The following MED26 variants were observed in gnomAD, a reference collection of about 807,000 sequenced individuals.
MED26 encodes the protein mediator complex subunit 26.
In MED26, 7 loss-of-function variants were observed where a neutral mutation model predicts 43.7. The observed-to-expected ratio is 0.16, with a 90% CI of 0.09 to 0.30. The LOEUF (loss-of-function observed/expected upper bound fraction) is 0.30, where lower values mean the gene tolerates loss of function less well. Among genes scored for constraint, MED26 ranks in the 10% least tolerant of loss-of-function variants. MED26 has a pLI of 1.00. For missense variants in MED26, 784 were observed against 840.6 expected (o/e 0.93, Z 0.83); for synonymous variants, 375 against 371.1 (o/e 1.01, Z -0.12).
chr19:16,578,107 C>T (rs919264764), intron 2 of MED26: 3 of 570,786 alleles, frequency 5.3e-6, no homozygotes, highest in East Asian at 3.1e-5. Context: ...GATGTCCCCA[C>T]GTGCCCACGA....
chr19:16,582,811 G>A (rs1381389591), intron 1 of MED26, among the ~76,000 whole-genome samples: 2 of 152,236 alleles, frequency 1.3e-5, no homozygotes, highest in Non-Finnish European at 2.9e-5. Context: ...AAGCAGAAAA[G>A]AGCTGGAGAA....
chr19:16,592,134 T>C (rs1568283215), intron 1 of MED26, among the ~76,000 whole-genome samples: 1 of 152,210 alleles, frequency 6.6e-6, no homozygotes, highest in Non-Finnish European at 1.5e-5. Flanking sequence ...CCTACTTCTG[T>C]GGCCAGCCAA....
Position 16,627,872 on chromosome 19 carries a change from G to A in MED26, c.72C>T (p.Asn24=), listed in dbSNP as rs1599352999. 6.7e-7 allele frequency: 1 copy of A among 1,493,002 alleles called. No individual in the cohort carries two copies. Among genetic ancestry groups the A allele is most frequent in the Non-Finnish European group, 9.0e-7 (1 of 1,116,982 alleles). The allele number at this position is 1,493,002 out of a possible 1,614,324, so 92.5% of individuals were successfully genotyped here. ...RLLQAIDPQS[N]IRNMVAVLEV... Reference sequence around the variant, plus strand: ...CCCAGCTCGCGCGGCGGGTACTTACGTTGCTCTGGGGGTCGATGGCCTGCA... The same window carrying A: ...CCCAGCTCGCGCGGCGGGTACTTACATTGCTCTGGGGGTCGATGGCCTGCA... The change falls in exon 1 of 3, where the codon AAC becomes AAT. Residue 24 remains asparagine, a splice_region_variant and synonymous_variant. Coordinates refer to ENST00000263390, the MANE Select transcript of MED26 (RefSeq NM_004831.5).
At position 16,579,162 on chromosome 19, in the gene MED26, G is replaced by A. The variant is rs56874673; in HGVS notation, c.73-753C>T. Among the ~76,000 whole-genome samples, 422 of 152,272 alleles carry A rather than the reference G, an allele frequency of 2.8e-3. 2 individuals carry two copies. Among genetic ancestry groups the A allele is most frequent in the African/African-American group, 9.5e-3 (393 of 41,550 alleles). On this transcript the variant is annotated intron_variant, in intron 1 of 2. Coordinates refer to ENST00000263390, the MANE Select transcript of MED26 (RefSeq NM_004831.5). ...AATCTGAATCCAAAGACACCATAAA[G>A]AGAGCAGAAAGTCACAAAGTGGGAG...
At chr19:16,589,155 A>G (rs1487468670) in intron 1 of MED26, 2 of 152,240 alleles carry the variant, frequency 1.3e-5, no homozygotes, top group African/African-American at 4.8e-5. Flanking sequence ...AGCTGGAGGG[A>G]CAGGAGTGGG....
intron 1 of MED26, among the ~76,000 whole-genome samples, chr19:16,579,557 A>T (rs1345817876): frequency 6.6e-6 from 1 of 152,142 alleles, no homozygotes; most frequent in East Asian, 1.9e-4. Context: ...CACTTCCCAC[A>T]CATTACTGAC....
intron 1 of MED26, among the ~76,000 whole-genome samples, chr19:16,623,235 G>A (rs938561297): frequency 3.9e-5 from 6 of 152,044 alleles, no homozygotes; most frequent in Admixed American, 2.0e-4. Context: ...TCCATTTCCC[G>A]AAGTCAGAGA....
chr19:16,598,207 C>CA (rs1417217881), intron 1 of MED26, among the ~76,000 whole-genome samples: 4 of 151,660 alleles, frequency 2.6e-5, no homozygotes, highest in Non-Finnish European at 5.9e-5. Flanking sequence ...CGAGGTGGTG[C>CA]ACATCTGTAA....
chr19:16,617,126 G>A (rs947050137), intron 1 of MED26, among the ~76,000 whole-genome samples: 1 of 152,218 alleles, frequency 6.6e-6, no homozygotes, highest in South Asian at 2.1e-4. Context: ...GTGCCCACTC[G>A]GTCACACCCC....
chr19:16,600,203 C>A (rs913798992), intron 1 of MED26, among the ~76,000 whole-genome samples: 1 of 151,866 alleles, frequency 6.6e-6, no homozygotes, highest in Non-Finnish European at 1.5e-5. Flanking sequence ...GCAGCAGCCC[C>A]CTCCTGCTCC....
Position 16,587,725 on chromosome 19 carries a change from C to T in MED26, c.73-9316G>A, listed in dbSNP as rs2086077578. ...CCATGTGGCCCTCCCTGTCCTGCAGCCACAGCTCCTGTAATGCTTGGGCAA... is the reference window on the plus strand; with the variant it reads ...CCATGTGGCCCTCCCTGTCCTGCAGTCACAGCTCCTGTAATGCTTGGGCAA... On this transcript the variant is annotated intron_variant, in intron 1 of 2. Coordinates refer to ENST00000263390, the MANE Select transcript of MED26 (RefSeq NM_004831.5). This position sits in a 1 kb window ranked among gnomAD's most constrained non-coding sequence, Gnocchi z 4.9. 6.6e-6 allele frequency: 1 copy of T among 152,354 alleles called. No homozygotes were observed. The highest frequency in any genetic ancestry group is 6.5e-5 in the Admixed American group (1 of 15,290). The allele number at this position is 152,354 out of a possible 1,614,324, so 9.4% of individuals were successfully genotyped here.
chr19:16,611,665 T>C (rs962301724), intron 1 of MED26: 1 of 152,200 alleles, frequency 6.6e-6, no homozygotes, highest in Non-Finnish European at 1.5e-5. Flanking sequence ...CCTATCCAGA[T>C]GCCTGAGTCA....
chr19:16,608,929 G>A (rs1382256539), intron 1 of MED26, among the ~76,000 whole-genome samples: 1 of 152,154 alleles, frequency 6.6e-6, no homozygotes, highest in East Asian at 1.9e-4. Flanking sequence ...CATTACATTG[G>A]GAACAGGACA....
chr19:16,598,926 AAC>A (rs2086135453), intron 1 of MED26, among the ~76,000 whole-genome samples: 1 of 152,190 alleles, frequency 6.6e-6, no homozygotes, highest in African/African-American at 2.4e-5. Flanking sequence ...TAATAAAAAA[AAC>A]ACAGTACACA....
intron 1 of MED26, among the ~76,000 whole-genome samples, chr19:16,596,175 C>A (rs578124026): frequency 6.6e-6 from 1 of 152,282 alleles, no homozygotes; most frequent in South Asian, 2.1e-4. Flanking sequence ...TGTGCCCAGC[C>A]ATGCTTCAAC....
At chr19:16,599,135 T>C (rs2086136508) in intron 1 of MED26, among the ~76,000 whole-genome samples, 1 of 152,196 alleles carries the variant, frequency 6.6e-6, no homozygotes, top group Non-Finnish European at 1.5e-5. Context: ...CATCGAATCA[T>C]TTTGATTGCC....
intron 1 of MED26, among the ~76,000 whole-genome samples, chr19:16,594,620 G>T (rs942737699): frequency 6.6e-6 from 1 of 152,124 alleles, no homozygotes; most frequent in Non-Finnish European, 1.5e-5. Flanking sequence ...CATGGAGAAG[G>T]TTCATTTTTC....
At chr19:16,598,336 CAAAAAAA>C (rs35572400) in intron 1 of MED26, among the ~76,000 whole-genome samples, 2 of 63,416 alleles carry the variant, frequency 3.2e-5, no homozygotes, top group African/African-American at 7.2e-5. Context: ...GATTCCATCT[CAAAAAAA>C]AAAAAAAAAA....
At chr19:16,602,357 C>CA (rs2086153867) in intron 1 of MED26, among the ~76,000 whole-genome samples, 1 of 152,172 alleles carries the variant, frequency 6.6e-6, no homozygotes, top group South Asian at 2.1e-4. Flanking sequence ...ACACCCTGCA[C>CA]ACAGCCTGGA....
Sources: gnomAD v4.1 joint callset for allele counts (sites outside exome capture counted in the v4.1 genomes callset) on GRCh38, gnomAD v4.1.1 for gene constraint, Gnocchi (gnomAD v3.1) non-coding constraint, MANE v1.5 for transcripts, NCBI Gene and HGNC (gene_info 2026-07-23, HGNC 2026-07-21) for gene names.